The following SLIT2 variants were observed in gnomAD, a reference collection of about 807,000 sequenced individuals.
SLIT2 encodes slit homolog 2 protein.
In SLIT2, 41 loss-of-function variants were observed where a neutral mutation model predicts 185.7. That is an observed-to-expected ratio of 0.22 (90% CI 0.17 to 0.29). The LOEUF (loss-of-function observed/expected upper bound fraction) is 0.29, where lower values mean the gene tolerates loss of function less well. Among genes scored for constraint, SLIT2 ranks in the 10% least tolerant of loss-of-function variants. SLIT2 has a pLI of 1.00. For synonymous variants in SLIT2, 693 were observed against 680.2 expected (o/e 1.02, Z -0.29); for missense variants, 1,571 against 1,909.0 (o/e 0.82, Z 3.30).
intron 4 of SLIT2, among the ~76,000 whole-genome samples, chr4:20,299,656 T>A (rs939203752): frequency 1.2e-5 from 1 of 84,916 alleles, no homozygotes; most frequent in Non-Finnish European, 2.6e-5. Context: ...CCTTTTTTTG[T>A]TTTTTTTTTT....
At chr4:20,324,853 C>A (rs1460668292) in intron 4 of SLIT2, among the ~76,000 whole-genome samples, 1 of 152,100 alleles carries the variant, frequency 6.6e-6, no homozygotes, top group Non-Finnish European at 1.5e-5. Context: ...TGTCCAAATT[C>A]CCCAAATGTG....
chr4:20,364,867 A>G (rs1359525870), intron 4 of SLIT2, among the ~76,000 whole-genome samples: 1 of 152,150 alleles, frequency 6.6e-6, no homozygotes, highest in Non-Finnish European at 1.5e-5. Flanking sequence ...TAATGTATAG[A>G]AGATTTTTGA....
At chr4:20,500,367 C>T (rs1032844021) in intron 9 of SLIT2, among the ~76,000 whole-genome samples, 2 of 152,162 alleles carry the variant, frequency 1.3e-5, no homozygotes, top group African/African-American at 2.4e-5. Flanking sequence ...CTTCTTAACA[C>T]ATGGAGCATT....
intron 4 of SLIT2, among the ~76,000 whole-genome samples, chr4:20,373,494 T>C (rs1723760739): frequency 6.6e-6 from 1 of 152,074 alleles, no homozygotes; most frequent in Admixed American, 6.6e-5. Context: ...GTGTAAATCC[T>C]ACTAAAATTT....
intron 4 of SLIT2, among the ~76,000 whole-genome samples, chr4:20,341,469 T>A (rs895096499): frequency 1.3e-5 from 2 of 152,246 alleles, no homozygotes; most frequent in African/African-American, 4.8e-5. Flanking sequence ...AGACTTGTTT[T>A]CAAATAGAGT....
Position 20,528,320 on chromosome 4 carries a change from G to A in SLIT2, c.1463-629G>A. ...TCTGTTGTGCTTGATCTAACCATGT[G>A]GTTGCGAGGTATGAGTAAAACATGG... is the stretch of plus-strand genomic sequence containing the variant. On this transcript the variant is annotated intron_variant, in intron 15 of 36. Coordinates refer to ENST00000504154, the MANE Select transcript of SLIT2 (RefSeq NM_004787.4). This position sits in a 1 kb window ranked among gnomAD's most constrained non-coding sequence, Gnocchi z 4.2. The A allele has an allele frequency of 1.9e-6, 1 of 534,636 alleles. No individual in the cohort carries two copies. Among genetic ancestry groups the A allele is most frequent in the Non-Finnish European group, 3.8e-6 (1 of 260,078 alleles). 33.1% of individuals were successfully genotyped at this position (534,636 alleles called of 1,614,324 possible).
At chr4:20,567,192 T>C in intron 26 of SLIT2, 70 bp from the exon 27 acceptor site, 1 of 1,285,272 alleles carries the variant, frequency 7.8e-7, no homozygotes. Flanking sequence ...ACCATTACAT[T>C]AAGGCATACA....
Position 20,472,600 on chromosome 4 carries a change from A to AGATATATCGATATATC in SLIT2, c.467+4777_467+4778insGATATATCGATATATC, listed in dbSNP as rs1560455520. Among the ~76,000 whole-genome samples the AGATATATCGATATATC allele has an allele frequency of 4.4e-4, 17 of 38,436 alleles. 5 individuals are homozygous for AGATATATCGATATATC. The highest frequency in any genetic ancestry group is 8.0e-4 in the African/African-American group (6 of 7,486). 25.2% of individuals were successfully genotyped at this position (38,436 alleles called of 152,430 possible). A position where few individuals can be genotyped will look rare whatever the true frequency, so the allele number is the denominator to read the frequency against. ...TATATCTATATATAGATATATATCTATAGATATATCTATATATATCGATAT... is the reference window on the plus strand; with the variant it reads ...TATATCTATATATAGATATATATCTAGATATATCGATATATCTAGATATATCTATATATATCGATAT... On this transcript the variant is annotated intron_variant, in intron 5 of 36. Coordinates refer to ENST00000504154, the MANE Select transcript of SLIT2 (RefSeq NM_004787.4).
At chr4:20,603,764 T>C (rs1728583076) in intron 33 of SLIT2, among the ~76,000 whole-genome samples, 1 of 152,162 alleles carries the variant, frequency 6.6e-6, no homozygotes, top group East Asian at 1.9e-4. Flanking sequence ...ACACTCTGGG[T>C]TGTGCAATTT....
At chr4:20,287,758 C>A (rs926506880) in intron 4 of SLIT2, among the ~76,000 whole-genome samples, 4 of 152,096 alleles carry the variant, frequency 2.6e-5, no homozygotes, top group African/African-American at 9.7e-5. Context: ...CTACTGGTGG[C>A]AAATTCTAAG....
intron 4 of SLIT2, among the ~76,000 whole-genome samples, chr4:20,386,717 G>A (rs1471033202): frequency 6.6e-6 from 1 of 152,154 alleles, no homozygotes; most frequent in Non-Finnish European, 1.5e-5. Context: ...GCATACTCTA[G>A]AAATGGGAAA....
chr4:20,266,422 G>A (rs1369190087), intron 3 of SLIT2, among the ~76,000 whole-genome samples: 1 of 151,960 alleles, frequency 6.6e-6, no homozygotes, highest in Non-Finnish European at 1.5e-5. Context: ...TGTGAAAGCA[G>A]GTTTGACAGC....
chr4:20,472,278 A>ATATATC (rs1456164605), intron 5 of SLIT2, among the ~76,000 whole-genome samples: 1,721 of 32,762 alleles, frequency 0.053, 254 homozygotes, highest in East Asian at 0.14. Context: ...ATATATATCT[A>ATATATC]TATATATAGA....
intron 33 of SLIT2, among the ~76,000 whole-genome samples, chr4:20,599,802 T>C (rs994721608): frequency 6.6e-6 from 1 of 152,206 alleles, no homozygotes; most frequent in Non-Finnish European, 1.5e-5. Flanking sequence ...AGAATAGGCA[T>C]TGATTATGAC....
At chr4:20,392,404 C>T (rs1725497475) in intron 4 of SLIT2, 1 of 152,086 alleles carries the variant, frequency 6.6e-6, no homozygotes, top group Non-Finnish European at 1.5e-5. Flanking sequence ...TTGCATCGTT[C>T]ATTGAATGAG....
intron 4 of SLIT2, among the ~76,000 whole-genome samples, chr4:20,380,787 A>G (rs1724443113): frequency 6.6e-6 from 1 of 152,146 alleles, no homozygotes; most frequent in South Asian, 2.1e-4. Flanking sequence ...TTATGGTGGC[A>G]TATCATACAT....
chr4:20,429,296 C>T (rs2109493499), intron 4 of SLIT2, among the ~76,000 whole-genome samples: 1 of 152,196 alleles, frequency 6.6e-6, no homozygotes, highest in East Asian at 1.9e-4. Flanking sequence ...GTTTCCTATG[C>T]AATCCCAATT....
chr4:20,472,317 T>TAG (rs1560453121), intron 5 of SLIT2, among the ~76,000 whole-genome samples: 3 of 32,034 alleles, frequency 9.4e-5, no homozygotes, highest in African/African-American at 3.7e-4. Flanking sequence ...TATATATAGA[T>TAG]ATATATATCT....
At chr4:20,455,829 G>A (rs1296821738) in intron 4 of SLIT2, among the ~76,000 whole-genome samples, 1 of 152,076 alleles carries the variant, frequency 6.6e-6, no homozygotes, top group African/African-American at 2.4e-5. Flanking sequence ...AAAGTCATTT[G>A]CAATATTTTC....
Sources: gnomAD v4.1 joint callset for allele counts (sites outside exome capture counted in the v4.1 genomes callset) on GRCh38, gnomAD v4.1.1 for gene constraint, Gnocchi (gnomAD v3.1) non-coding constraint, MANE v1.5 for transcripts, NCBI Gene and HGNC (gene_info 2026-07-23, HGNC 2026-07-21) for gene names.